The following ANXA4 variants were observed in gnomAD, a reference collection of about 807,000 sequenced individuals.
ANXA4 encodes the protein 35-beta calcimedin.
ANXA4 carries 39 observed loss-of-function variants against 49.8 expected under a neutral mutation model. The ratio of observed to expected loss-of-function variants is 0.78; its 90% confidence interval spans 0.61 to 1.02. The LOEUF (loss-of-function observed/expected upper bound fraction) is 1.02. Among genes scored for constraint, ANXA4 ranks in the 50% least tolerant of loss-of-function variants. ANXA4 has a pLI of 0.00. For synonymous variants in ANXA4, 134 were observed against 152.5 expected, an observed-to-expected ratio of 0.88 and a Z score of 0.89; for missense variants, 360 against 410.1, an observed-to-expected ratio of 0.88 and a Z score of 1.05.
At chr2:69,812,793 A>G (rs1673764712) in intron 8 of ANXA4, 84 bp downstream of exon 8, 4 of 1,148,648 alleles carry the variant, frequency 3.5e-6, no homozygotes, top group Non-Finnish European at 5.2e-6. Context: ...AGCAACTTAT[A>G]TTACAGTGTA....
intron 2 of ANXA4, among the ~76,000 whole-genome samples, chr2:69,672,645 C>T (rs1200614758): frequency 2.0e-5 from 3 of 152,030 alleles, no homozygotes; most frequent in African/African-American, 7.2e-5. Context: ...TTTGTGGATA[C>T]CTACATGTGT....
rs200021787 is a variant in ANXA4, at chr2:69,819,952, CA to C, written c.783+615del. On this transcript the variant is annotated intron_variant, in intron 11 of 12. Coordinates refer to ENST00000394295, the MANE Select transcript of ANXA4 (RefSeq NM_001153.5). ...GTATGGTGGCTCATGCCTATAATCC[CA>C]TCTGCTTGGGAGGCTGAGGCAGGAG... Among the ~76,000 whole-genome samples the C allele has an allele frequency of 4.2e-3, 642 of 151,916 alleles. 9 individuals are homozygous for C. The highest frequency in any genetic ancestry group is 4.6e-3 in the South Asian group (22 of 4,806).
intron 2 of ANXA4, among the ~76,000 whole-genome samples, chr2:69,673,660 AAAAAG>A (rs1677281750): frequency 6.6e-6 from 1 of 151,548 alleles, no homozygotes; most frequent in South Asian, 2.1e-4. Context: ...TATATTAAAA[AAAAAG>A]AAAAGAAACA....
At chr2:69,746,053 C>T (rs969967888) in intron 1 of ANXA4, among the ~76,000 whole-genome samples, 1 of 151,490 alleles carries the variant, frequency 6.6e-6, no homozygotes, top group South Asian at 2.1e-4. Context: ...GCTCTGTCAC[C>T]CAGGCTGGAG....
At chr2:69,733,964 T>C (rs2105451796) in intron 3 of ANXA4, among the ~76,000 whole-genome samples, 1 of 152,324 alleles carries the variant, frequency 6.6e-6, no homozygotes, top group South Asian at 2.1e-4. Context: ...TATTTTTTTT[T>C]TTTAATCTGG....
At chr2:69,802,348 A>C (rs1037629999) in intron 3 of ANXA4, among the ~76,000 whole-genome samples, 1 of 152,236 alleles carries the variant, frequency 6.6e-6, no homozygotes, top group Non-Finnish European at 1.5e-5. Flanking sequence ...GAAAGAATGC[A>C]AAAGAGGCTG....
At chr2:69,716,822 A>T (rs532246212) in intron 2 of ANXA4, among the ~76,000 whole-genome samples, 11 of 152,368 alleles carry the variant, frequency 7.2e-5, no homozygotes, top group Non-Finnish European at 1.5e-4. Context: ...AGTAAGTATC[A>T]TACATTTAAA....
intron 2 of ANXA4, among the ~76,000 whole-genome samples, chr2:69,679,761 G>A (rs1677532065): frequency 6.6e-6 from 1 of 152,142 alleles, no homozygotes; most frequent in Admixed American, 6.5e-5. Flanking sequence ...ATTGAAGAGG[G>A]TGTCCTTTTC....
intron 1 of ANXA4, among the ~76,000 whole-genome samples, chr2:69,777,510 G>C (rs960995784): frequency 5.3e-5 from 8 of 152,044 alleles, no homozygotes; most frequent in Non-Finnish European, 1.2e-4. Flanking sequence ...TGTTCTTATC[G>C]CTTACAAAAT....
chr2:69,692,865 G>A (rs898524288), intron 2 of ANXA4, among the ~76,000 whole-genome samples: 1 of 152,132 alleles, frequency 6.6e-6, no homozygotes, highest in African/African-American at 2.4e-5. Flanking sequence ...AGCATCTCAT[G>A]AATCCTCAAA....
At chr2:69,692,269 A>G (rs1465288509) in intron 2 of ANXA4, among the ~76,000 whole-genome samples, 1 of 152,254 alleles carries the variant, frequency 6.6e-6, no homozygotes, top group Non-Finnish European at 1.5e-5. Context: ...GCATTATAAA[A>G]TATGAATTTG....
At chr2:69,694,307 C>T (rs1404402748) in intron 2 of ANXA4, among the ~76,000 whole-genome samples, 2 of 151,782 alleles carry the variant, frequency 1.3e-5, no homozygotes, top group East Asian at 3.9e-4. Context: ...TAAGCCCTCA[C>T]CAGATACCAC....
chr2:69,649,398 A>G (rs1676136893), intron 1 of ANXA4, among the ~76,000 whole-genome samples: 1 of 151,726 alleles, frequency 6.6e-6, no homozygotes, highest in East Asian at 1.9e-4. Context: ...CTTTTTTACT[A>G]TATTAGATCA....
chr2:69,736,146 T>A (rs538974375), intron 3 of ANXA4, among the ~76,000 whole-genome samples: 35 of 152,270 alleles, frequency 2.3e-4, no homozygotes, highest in African/African-American at 7.9e-4. Context: ...ACTTTGGTTG[T>A]GCAGTCACAG....
chr2:69,786,107 A>T (rs867463293), intron 2 of ANXA4, among the ~76,000 whole-genome samples: 14 of 152,098 alleles, frequency 9.2e-5, no homozygotes, highest in African/African-American at 2.9e-4. Context: ...CAAACTTAAC[A>T]TTTCCAACAT....
intron 1 of ANXA4, among the ~76,000 whole-genome samples, chr2:69,771,156 C>T (rs1671701357): frequency 6.7e-6 from 1 of 150,052 alleles, no homozygotes; most frequent in African/African-American, 2.4e-5. Flanking sequence ...GGCAAAAATC[C>T]TCATGCTCCA....
At chr2:69,736,598 TA>T (rs747187887) in intron 3 of ANXA4, among the ~76,000 whole-genome samples, 1 of 152,170 alleles carries the variant, frequency 6.6e-6, no homozygotes, top group Admixed American at 6.5e-5. Flanking sequence ...TCCCTTTTTT[TA>T]GAAAAAAGTT....
chr2:69,769,751 C>T (rs1671637398), intron 1 of ANXA4, among the ~76,000 whole-genome samples: 1 of 152,184 alleles, frequency 6.6e-6, no homozygotes, highest in Admixed American at 6.5e-5. Flanking sequence ...GCAGCCTCTG[C>T]CTCCAGGTTC....
intron 2 of ANXA4, among the ~76,000 whole-genome samples, chr2:69,690,157 A>T (rs1351020496): frequency 6.6e-6 from 1 of 152,196 alleles, no homozygotes; most frequent in East Asian, 1.9e-4. Flanking sequence ...AATTTAAGGA[A>T]ATTTTAGCAT....
Sources: gnomAD v4.1 joint callset for allele counts (sites outside exome capture counted in the v4.1 genomes callset) on GRCh38, gnomAD v4.1.1 for gene constraint, MANE v1.5 for transcripts, NCBI Gene and HGNC (gene_info 2026-07-23, HGNC 2026-07-21) for gene names.